Variants in SLC18A2 observed in about 807,000 individuals in gnomAD.
The protein encoded by SLC18A2 is synaptic vesicular amine transporter.
A neutral mutation model predicts 59.2 loss-of-function variants in SLC18A2; 33 were observed. The observed-to-expected ratio is 0.56, with a 90% CI of 0.42 to 0.75. The LOEUF (loss-of-function observed/expected upper bound fraction) is 0.75. Ranked by LOEUF, SLC18A2 falls within the 30% of genes least tolerant of loss-of-function variation. The pLI, the probability that SLC18A2 is intolerant of heterozygous loss-of-function variation, is 0.00. For missense variants in SLC18A2, 569 were observed against 668.6 expected (o/e 0.85, Z 1.64); for synonymous variants, 228 against 253.5 (o/e 0.90, Z 0.95).
At chr10:117,260,146 C>T (rs866489770) in intron 10 of SLC18A2, among the ~76,000 whole-genome samples, 12 of 152,144 alleles carry the variant, frequency 7.9e-5, no homozygotes, top group Admixed American at 2.6e-4. Context: ...AACACCCTCC[C>T]ACCATGTTCC....
At chr10:117,246,661 CT>C (rs11369697) in intron 3 of SLC18A2, among the ~76,000 whole-genome samples, 1 of 150,392 alleles carries the variant, frequency 6.6e-6, no homozygotes, top group Non-Finnish European at 1.5e-5. Context: ...ATTTTTTTTT[CT>C]TTTTTTTTGA....
intron 9 of SLC18A2, among the ~76,000 whole-genome samples, chr10:117,256,096 C>T (rs1458927666): frequency 6.6e-6 from 1 of 152,192 alleles, no homozygotes; most frequent in Non-Finnish European, 1.5e-5. Flanking sequence ...GACAGCAGAG[C>T]CCCACAGGGA....
At chr10:117,241,655 C>A in intron 1 of SLC18A2, 24 bp from the exon 2 acceptor site, 1 of 1,540,166 alleles carries the variant, frequency 6.5e-7, no homozygotes, top group East Asian at 2.5e-5. Context: ...CGCCTTGGGT[C>A]CTCACCGCGC....
chr10:117,247,990 G>C (rs185432967), intron 3 of SLC18A2, among the ~76,000 whole-genome samples: 172 of 152,166 alleles, frequency 1.1e-3, no homozygotes, highest in African/African-American at 3.9e-3. Flanking sequence ...TATTTATTTA[G>C]ACAGGGTCTT....
chr10:117,267,803 C>T (rs1844365867), intron 13 of SLC18A2, 67 bp downstream of exon 13: 1 of 1,235,716 alleles, frequency 8.1e-7, no homozygotes, highest in African/African-American at 1.5e-5. Context: ...TCTTCTTCCT[C>T]TGGTAGACTG....
At chr10:117,275,830 TGA>T (rs1430591099) in intron 15 of SLC18A2, among the ~76,000 whole-genome samples, 1 of 152,206 alleles carries the variant, frequency 6.6e-6, no homozygotes, top group Non-Finnish European at 1.5e-5. Context: ...AAGGAGGGCA[TGA>T]GAGTTTCATG....
At chr10:117,258,116 G>A (rs528753372) in intron 10 of SLC18A2, among the ~76,000 whole-genome samples, 7 of 152,266 alleles carry the variant, frequency 4.6e-5, no homozygotes, top group Admixed American at 1.3e-4. Context: ...CATCAGATCT[G>A]GGCAGAAATG....
In SLC18A2 at chr10:117,241,630, T is replaced by C; in HGVS notation, c.-15-49T>C. 39 of 1,492,846 alleles carry C rather than the reference T, an allele frequency of 2.6e-5. 1 individual carries two copies. Among genetic ancestry groups the C allele is most frequent in the Non-Finnish European group, 3.4e-5 (38 of 1,126,028 alleles). The allele number at this position is 1,492,846 out of a possible 1,614,324, so 92.5% of individuals were successfully genotyped here. On this transcript the variant is annotated intron_variant, in intron 1 of 15. Coordinates refer to ENST00000644641, the MANE Select transcript of SLC18A2 (RefSeq NM_003054.6). ...TTCCGCGGCCTGGGGGACGGGAGAA[T>C]GGGGGGTCCACGGCCGCCTTGGGTC...
intron 3 of SLC18A2, among the ~76,000 whole-genome samples, chr10:117,249,244 A>G (rs1486142668): frequency 6.6e-6 from 1 of 152,124 alleles, no homozygotes; most frequent in African/African-American, 2.4e-5. Context: ...AAATCAGAGG[A>G]AACTGGCTGT....
At chr10:117,242,408 T>C (rs1844065985) in intron 2 of SLC18A2, among the ~76,000 whole-genome samples, 1 of 152,072 alleles carries the variant, frequency 6.6e-6, no homozygotes, top group Admixed American at 6.6e-5. Context: ...TTAGGCCCAT[T>C]AACAGAGAAG....
chr10:117,251,224 C>T (rs932988379), intron 3 of SLC18A2, among the ~76,000 whole-genome samples: 45 of 152,312 alleles, frequency 3.0e-4, no homozygotes, highest in African/African-American at 9.9e-4. Context: ...TCCAGGACAG[C>T]CCGGAAGATT....
chr10:117,276,067 GA>G (rs1844486046), intron 15 of SLC18A2, among the ~76,000 whole-genome samples: 1 of 151,402 alleles, frequency 6.6e-6, no homozygotes, highest in Non-Finnish European at 1.5e-5. Flanking sequence ...GAGGCAGGAA[GA>G]TCACTTGAGC....
intron 3 of SLC18A2, among the ~76,000 whole-genome samples, chr10:117,247,207 C>T (rs568637980): frequency 7.2e-5 from 11 of 152,256 alleles, no homozygotes; most frequent in African/African-American, 2.6e-4. Context: ...CCTCCATGAG[C>T]AAGATGTATG....
intron 13 of SLC18A2, chr10:117,268,739 T>C (rs959635883): frequency 6.6e-6 from 1 of 152,204 alleles, no homozygotes; most frequent in Non-Finnish European, 1.5e-5. Flanking sequence ...TGGAGAATAA[T>C]AGGGGGGACC....
chr10:117,247,851 A>G (rs928554730), intron 3 of SLC18A2, among the ~76,000 whole-genome samples: 2 of 152,044 alleles, frequency 1.3e-5, no homozygotes, highest in African/African-American at 4.8e-5. Context: ...AGTGGGACCC[A>G]CTCTGAATCG....
intron 3 of SLC18A2, 47 bp downstream of exon 3, chr10:117,244,360 C>T: frequency 1.4e-6 from 2 of 1,479,164 alleles, no homozygotes; most frequent in Non-Finnish European, 1.8e-6. Context: ...TGTATCAGTC[C>T]TAGCTTATGT....
chr10:117,251,147 C>T (rs760480372), intron 3 of SLC18A2, among the ~76,000 whole-genome samples: 28 of 152,244 alleles, frequency 1.8e-4, no homozygotes, highest in African/African-American at 2.4e-4. Flanking sequence ...AGCTTTGATA[C>T]GTATTGGTAC....
rs1167221103 is a variant in SLC18A2, at chr10:117,279,358, ATTC to A, written c.*2093_*2095del. On this transcript the variant is annotated 3_prime_UTR_variant, in exon 16 of 16. Coordinates refer to ENST00000644641, the MANE Select transcript of SLC18A2 (RefSeq NM_003054.6). ...AAACTTTAATGAGGTAGCAATGAAT[ATTC>A]AACTGTTTGACTGCTAAGTGTATCT... The A allele has an allele frequency of 6.6e-6, 1 of 152,208 alleles. No individual in the cohort carries two copies. The highest frequency in any genetic ancestry group is 1.5e-5 in the Non-Finnish European group (1 of 68,048). The allele number at this position is 152,208 out of a possible 1,614,324, so 9.4% of individuals were successfully genotyped here.
intron 3 of SLC18A2, among the ~76,000 whole-genome samples, chr10:117,252,536 C>T (rs1233081577): frequency 1.3e-5 from 2 of 152,144 alleles, no homozygotes; most frequent in Non-Finnish European, 2.9e-5. Context: ...GCTGCCTGTA[C>T]CCTCATGCCC....
Sources: gnomAD v4.1 joint callset for allele counts (sites outside exome capture counted in the v4.1 genomes callset) on GRCh38, gnomAD v4.1.1 for gene constraint, MANE v1.5 for transcripts, NCBI Gene and HGNC (gene_info 2026-07-23, HGNC 2026-07-21) for gene names.